Variants in HHLA2 observed in about 807,000 individuals in gnomAD.
HHLA2 encodes the protein HERV-H LTR-associating protein 2.
In HHLA2, 48 loss-of-function variants were observed where a neutral mutation model predicts 45.9. The ratio of observed to expected loss-of-function variants is 1.05; its 90% CI spans 0.83 to 1.33. HHLA2 has a LOEUF of 1.33. Ranked by LOEUF, HHLA2 falls within the 40% of genes most tolerant of loss-of-function variation. The probability of loss-of-function intolerance (pLI) is 0.00; values close to 1 mark genes in which losing one functional copy is unlikely to be tolerated. For synonymous variants in HHLA2, 161 were observed against 173.9 expected, an observed-to-expected ratio of 0.93 and a Z score of 0.59; for missense variants, 462 against 494.3, an observed-to-expected ratio of 0.93 and a Z score of 0.62.
At chr3:108,358,535 G>A (rs149480568) in intron 7 of HHLA2, among the ~76,000 whole-genome samples, 10 of 152,206 alleles carry the variant, frequency 6.6e-5, no homozygotes, top group South Asian at 4.1e-4. Flanking sequence ...AGTTACAATC[G>A]GGGTCCTGAA....
chr3:108,330,998 G>A (rs925768568), intron 3 of HHLA2, among the ~76,000 whole-genome samples: 7 of 152,164 alleles, frequency 4.6e-5, no homozygotes, highest in Admixed American at 2.0e-4. Flanking sequence ...AGAAAGTGCT[G>A]TTAGAGGGAC....
chr3:108,322,292 C>G (rs2081216940), intron 2 of HHLA2, among the ~76,000 whole-genome samples: 1 of 152,192 alleles, frequency 6.6e-6, no homozygotes. Context: ...TAGTCTTAAC[C>G]TCTACCTTAA....
chr3:108,315,947 C>T (rs2081096044), intron 2 of HHLA2, among the ~76,000 whole-genome samples: 1 of 152,030 alleles, frequency 6.6e-6, no homozygotes, highest in Non-Finnish European at 1.5e-5. Flanking sequence ...CTAACCTTTA[C>T]AATAAGGAAC....
chr3:108,303,680 C>A (rs965222863), intron 1 of HHLA2, among the ~76,000 whole-genome samples: 1 of 152,014 alleles, frequency 6.6e-6, no homozygotes, highest in African/African-American at 2.4e-5. Flanking sequence ...ATTTTTTGGT[C>A]ACTTGCATGC....
intron 3 of HHLA2, among the ~76,000 whole-genome samples, chr3:108,343,728 A>C (rs541818882): frequency 1.3e-5 from 2 of 152,376 alleles, no homozygotes; most frequent in South Asian, 4.1e-4. Context: ...GGGAATGATT[A>C]ACCTCATACT....
intron 10 of HHLA2, 80 bp from the exon 10 acceptor site, chr3:108,377,178 C>T (rs1194390094): frequency 8.2e-6 from 8 of 971,518 alleles, no homozygotes; most frequent in African/African-American, 3.3e-5. Context: ...CAAAACACTA[C>T]TATCAATAAA....
intron 7 of HHLA2, among the ~76,000 whole-genome samples, chr3:108,358,654 T>C (rs985284837): frequency 6.6e-6 from 1 of 152,220 alleles, no homozygotes; most frequent in African/African-American, 2.4e-5. Context: ...CCTCTGTTGA[T>C]AGTTCACTGC....
chr3:108,350,596 T>G (rs2081759168), intron 3 of HHLA2, among the ~76,000 whole-genome samples: 1 of 152,230 alleles, frequency 6.6e-6, no homozygotes, highest in African/African-American at 2.4e-5. Flanking sequence ...TAGTTTCAAG[T>G]CATTCTTAAA....
chr3:108,338,187 T>C (rs527715172), intron 3 of HHLA2, among the ~76,000 whole-genome samples: 1 of 151,478 alleles, frequency 6.6e-6, no homozygotes, highest in African/African-American at 2.4e-5. Flanking sequence ...AGATTTGATA[T>C]CTATATATCA....
chr3:108,346,694 G>A (rs541074623), intron 3 of HHLA2, among the ~76,000 whole-genome samples: 133 of 152,198 alleles, frequency 8.7e-4, no homozygotes, highest in African/African-American at 2.9e-3. Context: ...TGTTTTTATC[G>A]TGTACAACAT....
chr3:108,339,100 A>G (rs1196664243), intron 3 of HHLA2, among the ~76,000 whole-genome samples: 1 of 152,172 alleles, frequency 6.6e-6, no homozygotes, highest in Non-Finnish European at 1.5e-5. Context: ...CAGACAAATG[A>G]TTTTGGAGTT....
intron 1 of HHLA2, among the ~76,000 whole-genome samples, chr3:108,300,314 C>G (rs1369329262): frequency 6.6e-6 from 1 of 152,082 alleles, no homozygotes; most frequent in Non-Finnish European, 1.5e-5. Flanking sequence ...TCAAGGACAA[C>G]CTGCCATGGG....
intron 1 of HHLA2, among the ~76,000 whole-genome samples, chr3:108,301,749 C>A (rs1448693118): frequency 6.6e-6 from 1 of 152,172 alleles, no homozygotes; most frequent in Non-Finnish European, 1.5e-5. Flanking sequence ...CAAGCAGCCT[C>A]AAGGTCATCT....
intron 3 of HHLA2, among the ~76,000 whole-genome samples, chr3:108,349,616 AAGAGG>A (rs1437971361): frequency 6.6e-6 from 1 of 152,208 alleles, no homozygotes; most frequent in Non-Finnish European, 1.5e-5. Flanking sequence ...ACAATAGAAA[AAGAGG>A]GAATCCTCCC....
chr3:108,314,972 G>T (rs2081078881), intron 2 of HHLA2, among the ~76,000 whole-genome samples: 1 of 152,148 alleles, frequency 6.6e-6, no homozygotes, highest in Non-Finnish European at 1.5e-5. Context: ...TATCTGAATA[G>T]AAAGTTTGCT....
chr3:108,307,634 CA>C (rs554619443), intron 1 of HHLA2, among the ~76,000 whole-genome samples: 368 of 130,782 alleles, frequency 2.8e-3, no homozygotes, highest in Admixed American at 4.7e-3. Flanking sequence ...AACTCTGTCT[CA>C]AAAAAAAAAA....
At chr3:108,349,830 G>C (rs1308933647) in intron 3 of HHLA2, among the ~76,000 whole-genome samples, 1 of 152,166 alleles carries the variant, frequency 6.6e-6, no homozygotes, top group Non-Finnish European at 1.5e-5. Context: ...AAGAGCATCA[G>C]CTGGAAAAGA....
chr3:108,324,522 C>G (rs1365131708), intron 2 of HHLA2, among the ~76,000 whole-genome samples: 1 of 152,182 alleles, frequency 6.6e-6, no homozygotes, highest in African/African-American at 2.4e-5. Flanking sequence ...GGCAATCAAG[C>G]ACTCCTAGGC....
rs541879900 is a variant in HHLA2 at position 108,358,675 on chromosome 3, T to TATC, written c.1003+515_1003+517dup. 7.1e-3 allele frequency among the ~76,000 whole-genome samples: 1,077 copies of TATC among 152,290 alleles called. 3 individuals are homozygous for TATC. The highest frequency in any genetic ancestry group is 0.012 in the Non-Finnish European group (821 of 68,016). Reference sequence around the variant, plus strand: ...TTGATAGTTCACTGCCAAAAACCATTATCTAAAATATTTCTAGTCAACTAA... The same window carrying TATC: ...TTGATAGTTCACTGCCAAAAACCATTATCATCTAAAATATTTCTAGTCAACTAA... On this transcript the variant is annotated intron_variant, in intron 7 of 10. Coordinates refer to ENST00000619531, the Ensembl canonical transcript of HHLA2.
Sources: gnomAD v4.1 joint callset for allele counts (sites outside exome capture counted in the v4.1 genomes callset) on GRCh38, gnomAD v4.1.1 for gene constraint, MANE v1.5 for transcripts, NCBI Gene and HGNC (gene_info 2026-07-23, HGNC 2026-07-21) for gene names.